Variants in GSS observed in about 807,000 individuals in gnomAD.
GSS encodes GSH synthetase.
GSS carries 34 observed loss-of-function variants against 60.4 expected under a neutral mutation model. The observed-to-expected ratio is 0.56, with a 90% CI of 0.43 to 0.75. The LOEUF (loss-of-function observed/expected upper bound fraction) is 0.75, where lower values mean the gene tolerates loss of function less well. Among genes scored for constraint, GSS ranks in the 30% least tolerant of loss-of-function variants. GSS has a pLI of 0.00. For synonymous variants in GSS, 224 were observed against 239.0 expected, an observed-to-expected ratio of 0.94 and a Z score of 0.58; for missense variants, 499 against 595.1, an observed-to-expected ratio of 0.84 and a Z score of 1.68.
At chr20:34,930,922 C>T (rs1433400137) in intron 11 of GSS, among the ~76,000 whole-genome samples, 3 of 152,094 alleles carry the variant, frequency 2.0e-5, no homozygotes, top group African/African-American at 7.2e-5. Flanking sequence ...GAACACTCTT[C>T]CTCCTTTCCA....
Position 34,951,793 on chromosome 20 carries a change from C to G in GSS, c.60G>C (p.Arg20=). 1 of 1,614,056 alleles carries G rather than the reference C, an allele frequency of 6.2e-7. No homozygotes were observed. Among genetic ancestry groups the G allele is most frequent in the Non-Finnish European group, 8.5e-7 (1 of 1,179,972 alleles). The change falls in exon 2 of 13, where the codon CGG becomes CGC. Residue 20 remains arginine, a synonymous_variant. Transcript: ENST00000651619. ...CAGCCAGGGCCCGGTCCACGGCCTG[C>G]CGTGCCAGCTCCTCTAGCTGCTGTT... The part of the protein sequence containing the change: ...QDKQQLEELA[R]QAVDRALAEG...
rs111778654 is a variant in GSS at position 34,951,981 on chromosome 20, G to A, written c.-8-121C>T. ...CTGACCTCTGTTGGAAGGGAACAGC[G>A]TGGTATACAGGAGTGAACACTGGCT... On this transcript the variant is annotated intron_variant, in intron 1 of 12. Transcript: ENST00000651619. 86 of 966,808 alleles carry A rather than the reference G, an allele frequency of 8.9e-5. No individual in the cohort carries two copies. The Admixed American group carries it at 1.3e-3, about 15-fold the overall frequency. The allele number at this position is 966,808 out of a possible 1,614,324, so 59.9% of individuals were successfully genotyped here.
intron 9 of GSS, among the ~76,000 whole-genome samples, chr20:34,933,277 G>A (rs1310246435): frequency 2.6e-5 from 4 of 152,120 alleles, no homozygotes; most frequent in Admixed American, 2.0e-4. Flanking sequence ...CTTTGTAGTT[G>A]CTCAATAAAT....
rs1361638765 is a variant in GSS, at chr20:34,935,560, CA to C, written c.834+15del. 1 of 1,588,976 alleles carries C rather than the reference CA, an allele frequency of 6.3e-7. No individual in the cohort carries two copies. The highest frequency in any genetic ancestry group is 1.7e-5 in the Admixed American group (1 of 59,966). On this transcript the variant is annotated intron_variant, in intron 9 of 12. Transcript: ENST00000651619. ...GGTCCCAGGAGGCAAAGAATGGTCT[CA>C]CAGAAAATACCAACCTGTAGACTGT...
intron 2 of GSS, 67 bp from the exon 3 acceptor site, chr20:34,946,165 G>T: frequency 7.5e-7 from 1 of 1,325,558 alleles, no homozygotes; most frequent in Non-Finnish European, 1.1e-6. Flanking sequence ...TCCTGCAAAT[G>T]GAATCCCATG....
rs751797884 is a variant in GSS at position 34,931,947 on chromosome 20, G to GT, written c.1020dup (p.Leu341ThrfsTer5). 9.9e-6 allele frequency: 16 copies of GT among 1,613,960 alleles called. No homozygotes were observed. The South Asian group carries it at 1.8e-4, about 18-fold the overall frequency. ...ACAGGCTGCCCACGTACCACATCCA[G>GT]TGAGTAGAGGCCAGCAAAGGTGGCG... On this transcript the variant is annotated frameshift_variant, in exon 10 of 13. Transcript: ENST00000651619. LOFTEE classifies it high-confidence loss of function.
chr20:34,940,961 G>C (rs1359819535), intron 6 of GSS, among the ~76,000 whole-genome samples: 2 of 152,180 alleles, frequency 1.3e-5, no homozygotes, highest in Non-Finnish European at 2.9e-5. Flanking sequence ...AATCAGAAGG[G>C]AGGCATGGGC....
intron 9 of GSS, among the ~76,000 whole-genome samples, chr20:34,934,995 A>G (rs1322557179): frequency 6.6e-6 from 1 of 152,232 alleles, no homozygotes; most frequent in African/African-American, 2.4e-5. Context: ...CCTGAAAGTC[A>G]GAAAACCTGG....
intron 2 of GSS, 23 bp from the exon 3 acceptor site, chr20:34,946,121 G>C: frequency 6.3e-7 from 1 of 1,599,184 alleles, no homozygotes; most frequent in East Asian, 2.2e-5. Context: ...AGAGAGAATG[G>C]GACAGGGGTA....
At chr20:34,941,668 C>T in intron 6 of GSS, 45 bp downstream of exon 6, 1 of 1,054,306 alleles carries the variant, frequency 9.5e-7, no homozygotes, top group Non-Finnish European at 1.5e-6. Context: ...CCCATGAATG[C>T]TGAAACTAAA....
At chr20:34,952,029 C>T (rs2081573488) in intron 1 of GSS, 169 bp from the exon 2 acceptor site, 2 of 678,594 alleles carry the variant, frequency 2.9e-6, no homozygotes, top group Non-Finnish European at 5.3e-6. Flanking sequence ...TAACAACTTC[C>T]ATGTGCACAA....
At chr20:34,934,153 G>T (rs2081422965) in intron 9 of GSS, 1 of 149,958 alleles carries the variant, frequency 6.7e-6, no homozygotes, top group South Asian at 2.1e-4. Flanking sequence ...CTCCAGCCTG[G>T]TCAACAAGAG....
Position 34,928,520 on chromosome 20 carries a change from C to G in GSS, c.*308G>C. On this transcript the variant is annotated 3_prime_UTR_variant, in exon 13 of 13. Coordinates refer to ENST00000651619, the MANE Select transcript of GSS (RefSeq NM_000178.4). Reference sequence around the variant, plus strand: ...CCTCCTCCTACCACTCAGTCCTATCCCAAGTCAGGCACTGGAACCTGCTGA... The same window carrying G: ...CCTCCTCCTACCACTCAGTCCTATCGCAAGTCAGGCACTGGAACCTGCTGA... 1 of 486,254 alleles carries G rather than the reference C, an allele frequency of 2.1e-6. No individual in the cohort carries two copies. The highest frequency in any genetic ancestry group is 3.8e-6 in the Non-Finnish European group (1 of 265,262). 30.1% of individuals were successfully genotyped at this position (486,254 alleles called of 1,614,324 possible). A position where few individuals can be genotyped will look rare whatever the true frequency, so the allele number is the denominator to read the frequency against.
rs372131829 is a variant in GSS, at chr20:34,928,853, A to G, written c.1400T>C (p.Val467Ala). ...ADGGVAAGVAVLDNPYPV is the reference protein window; with the variant it reads ...ADGGVAAGVAALDNPYPV ...TCACACAGGGTATGGGTTGTCCAGG[A>G]CTGCCACTCCCGCTGCCACACCACC... is the stretch of plus-strand genomic sequence containing the variant. Residue 467 changes from valine to alanine, a missense_variant, in exon 13 of 13, where the codon GTC (valine) becomes GCC (alanine). Physicochemically the swap from Val to Ala is moderately conservative, Grantham distance 64. Coordinates refer to ENST00000651619, the MANE Select transcript of GSS (RefSeq NM_000178.4). The G allele has an allele frequency of 1.9e-6, 3 of 1,614,042 alleles. No homozygotes were observed. The African/African-American group carries it at 4.0e-5, about 22-fold the overall frequency.
At chr20:34,955,539 A>G (rs2081618126) in intron 1 of GSS, 188 bp downstream of exon 1, 1 of 152,392 alleles carries the variant, frequency 6.6e-6, no homozygotes, top group Admixed American at 6.5e-5. Flanking sequence ...GAAGATCCGG[A>G]AAGTCTGGGA....
Position 34,932,085 on chromosome 20 carries a change from G to C in GSS, c.883C>G (p.Pro295Ala). Residue 295 changes from proline (P) to alanine (A), a missense_variant, in exon 10 of 13, where the codon CCA (proline) becomes GCA (alanine). Coordinates refer to ENST00000651619, the MANE Select transcript of GSS (RefSeq NM_000178.4). ...CCAGCCAGCTGGGTGGCAATGTCTG[G>C]GCACTTGGCAGCATGTGACCTCTCC... ...LLERSHAAKC[P>A]DIATQLAGTK... The C allele has an allele frequency of 6.2e-7, 1 of 1,614,118 alleles. No homozygotes were observed. Among genetic ancestry groups the C allele is most frequent in the Non-Finnish European group, 8.5e-7 (1 of 1,179,980 alleles).
Position 34,932,141 on chromosome 20 carries a change from G to A in GSS, c.835-8C>T, listed in dbSNP as rs759899188. 5.6e-6 allele frequency: 9 copies of A among 1,610,382 alleles called. No homozygotes were observed. Among genetic ancestry groups the A allele is most frequent in the Middle Eastern group, 3.3e-4 (2 of 6,078 alleles). On this transcript the variant is annotated splice_polypyrimidine_tract_variant and splice_region_variant and intron_variant, in intron 9 of 12. Transcript: ENST00000651619. ...TAGACGTGCTTCCCAATTCTGCAGA[G>A]GGAAGAAGACAAAAGGAATTCGACT...
rs758219402 is a variant in GSS, at chr20:34,928,877, C to T, written c.1376G>A (p.Gly459Asp). Residue 459 changes from glycine to aspartate, a missense_variant, in exon 13 of 13, where the codon GGT (glycine) becomes GAT (aspartate). By Grantham distance (94) the Gly-to-Asp change is moderately conservative. Coordinates refer to ENST00000651619, the MANE Select transcript of GSS (RefSeq NM_000178.4). ...LRTKAIEHAD[G>D]GVAAGVAVLD... ...GACTGCCACTCCCGCTGCCACACCACCATCTGCATGCTCGATGGCTTTGGT... is the reference window on the plus strand; with the variant it reads ...GACTGCCACTCCCGCTGCCACACCATCATCTGCATGCTCGATGGCTTTGGT... 3 of 1,614,046 alleles carry T rather than the reference C, an allele frequency of 1.9e-6. No homozygotes were observed. In the South Asian group the frequency reaches 3.3e-5, roughly 18 times the overall value.
rs770491634 is a variant in GSS, at chr20:34,928,778, G to A, written c.*50C>T. 13 of 1,609,522 alleles carry A rather than the reference G, an allele frequency of 8.1e-6. No homozygotes were observed. The highest frequency in any genetic ancestry group is 1.0e-5 in the Non-Finnish European group (12 of 1,175,946). On this transcript the variant is annotated 3_prime_UTR_variant, in exon 13 of 13. Transcript: ENST00000651619. ...AGGATACCCCTCAGGAGGGCTAGGA[G>A]AGGAATGACAAATACAGAGGATAGA...
Sources: gnomAD v4.1 joint callset for allele counts (sites outside exome capture counted in the v4.1 genomes callset) on GRCh38, gnomAD v4.1.1 for gene constraint, MANE v1.5 for transcripts, NCBI Gene and HGNC (gene_info 2026-07-23, HGNC 2026-07-21) for gene names.